SHQ1: variants seen among roughly 807,000 people sequenced by gnomAD.
SHQ1 encodes SHQ1, H/ACA ribonucleoprotein assembly factor, also known as protein SHQ1 homolog.
In SHQ1, 49 loss-of-function variants were observed where a neutral mutation model predicts 53.8. The ratio of observed to expected loss-of-function variants is 0.91; its 90% CI spans 0.72 to 1.16. The LOEUF (loss-of-function observed/expected upper bound fraction) is 1.16, where lower values mean the gene tolerates loss of function less well. Ranked by LOEUF, SHQ1 falls within the 50% of genes most tolerant of loss-of-function variation. The pLI, the probability that SHQ1 is intolerant of heterozygous loss-of-function variation, is 0.00. For missense variants in SHQ1, 738 were observed against 683.1 expected (o/e 1.08, Z -0.90); for synonymous variants, 243 against 251.0 (o/e 0.97, Z 0.30).
the SHQ1 span, among the ~76,000 whole-genome samples, chr3:72,732,401 C>T: frequency 4.3e-3 from 600 of 139,544 alleles, 2 homozygotes; most frequent in African/African-American, 0.014. Context: ...TTCCTTCCTT[C>T]CTTCCTTCCT....
At chr3:72,748,813 C>T (rs1705306784), downstream of SHQ1, among the ~76,000 whole-genome samples, 1 of 152,132 alleles carries the variant, frequency 6.6e-6, no homozygotes. Flanking sequence ...ATAAAAACTA[C>T]AAAGATTAGC....
Position 72,769,619 on chromosome 3 carries a change from C to T in SHQ1, c.1182-18783G>A, listed in dbSNP as rs375147132. The stretch of plus-strand genomic sequence containing the variant: ...TTTAGTTCCCTGTTCAAGACTTCTA[C>T]TCCACTAGGCCTTGCAGACCAGCCT... On this transcript the variant is annotated intron_variant, in intron 10 of 10. Coordinates refer to ENST00000325599, the MANE Select transcript of SHQ1 (RefSeq NM_018130.3). Among the ~76,000 whole-genome samples the T allele has an allele frequency of 1.2e-4, 18 of 152,184 alleles. 1 individual carries two copies. The highest frequency in any genetic ancestry group is 8.5e-4 in the Admixed American group (13 of 15,284).
intron 9 of SHQ1, among the ~76,000 whole-genome samples, chr3:72,811,020 C>T (rs2106852644): frequency 6.6e-6 from 1 of 152,298 alleles, no homozygotes; most frequent in East Asian, 1.9e-4. Context: ...TCAATTCTGA[C>T]CTACTAAAAC....
rs753370452 is a variant in SHQ1, at chr3:72,848,258, T to A, written c.83A>T (p.Glu28Val). The change falls in exon 1 of 11, where the codon GAG (glutamate) becomes GTG (valine). Residue 28 changes from glutamate (E) to valine (V), a missense_variant. By Grantham distance (121) the Glu-to-Val change is moderately radical. Coordinates refer to ENST00000325599, the MANE Select transcript of SHQ1 (RefSeq NM_018130.3). ...AIRVPYARVS[E>V]FDVYFEGSDF... ...AGACCCCTCGAAGTAGACGTCGAAC[T>A]CGGAGACCCGGGCGTAGGGCACGCG... The A allele has an allele frequency of 3.1e-6, 5 of 1,614,130 alleles. No individual in the cohort carries two copies. In the South Asian group the frequency reaches 5.5e-5, roughly 18 times the overall value.
At chr3:72,790,952 C>A in intron 10 of SHQ1, among the ~76,000 whole-genome samples, 1 of 152,106 alleles carries the variant, frequency 6.6e-6, no homozygotes, top group South Asian at 2.1e-4. Flanking sequence ...TACAAAGAAC[C>A]TAAGAATTTC....
chr3:72,813,976 A>G (rs1412600069), intron 8 of SHQ1, among the ~76,000 whole-genome samples: 2 of 151,868 alleles, frequency 1.3e-5, no homozygotes, highest in Non-Finnish European at 2.9e-5. Flanking sequence ...TTCAAAACTT[A>G]CTAAAAACAC....
intron 4 of SHQ1, among the ~76,000 whole-genome samples, chr3:72,838,118 G>A (rs929905444): frequency 4.6e-5 from 7 of 152,178 alleles, no homozygotes; most frequent in African/African-American, 1.4e-4. Context: ...CTGGGGCAGC[G>A]CCCATATCCA....
At chr3:72,831,640 G>A (rs1240846131) in intron 5 of SHQ1, among the ~76,000 whole-genome samples, 3 of 152,172 alleles carry the variant, frequency 2.0e-5, no homozygotes, top group Non-Finnish European at 4.4e-5. Flanking sequence ...CATTCTCCAC[G>A]CATCCTAGCA....
At chr3:72,831,462 C>T (rs1707816962) in intron 5 of SHQ1, among the ~76,000 whole-genome samples, 1 of 152,248 alleles carries the variant, frequency 6.6e-6, no homozygotes, top group African/African-American at 2.4e-5. Flanking sequence ...GTCCCTTAAA[C>T]TCCTCTCCTC....
intron 4 of SHQ1, among the ~76,000 whole-genome samples, chr3:72,838,071 G>A (rs1353863220): frequency 6.6e-6 from 1 of 152,226 alleles, no homozygotes; most frequent in African/African-American, 2.4e-5. Context: ...GTAACATGGT[G>A]CACACACCAT....
intron 4 of SHQ1, among the ~76,000 whole-genome samples, chr3:72,835,825 C>A (rs943411443): frequency 1.3e-5 from 2 of 152,210 alleles, no homozygotes; most frequent in Non-Finnish European, 2.9e-5. Context: ...GCAAATGTCA[C>A]TTTCTCAAAG....
chr3:72,783,679 A>C (rs906304938), intron 10 of SHQ1, among the ~76,000 whole-genome samples: 1 of 152,218 alleles, frequency 6.6e-6, no homozygotes, highest in Non-Finnish European at 1.5e-5. Context: ...TGTAAGTAAA[A>C]ATGATAAATG....
At chr3:72,791,503 G>A (rs1406670016) in intron 10 of SHQ1, among the ~76,000 whole-genome samples, 1 of 151,990 alleles carries the variant, frequency 6.6e-6, no homozygotes, top group African/African-American at 2.4e-5. Context: ...CAATATAATT[G>A]CTCCCCCATG....
chr3:72,734,415 C>T, the SHQ1 span, among the ~76,000 whole-genome samples: 1 of 150,848 alleles, frequency 6.6e-6, no homozygotes, highest in South Asian at 2.1e-4. Context: ...GCCACCATGC[C>T]CAGCTAATTT....
chr3:72,725,546 T>A, the SHQ1 span, among the ~76,000 whole-genome samples: 1 of 152,182 alleles, frequency 6.6e-6, no homozygotes, highest in East Asian at 1.9e-4. Context: ...TTTCACTTCG[T>A]CCTGCTCATT....
intron 6 of SHQ1, among the ~76,000 whole-genome samples, chr3:72,818,308 A>G (rs2106878609): frequency 6.6e-6 from 1 of 152,138 alleles, no homozygotes. Flanking sequence ...ACTGATGGGC[A>G]CTCACTTTGC....
At chr3:72,790,619 A>T (rs932860920) in intron 10 of SHQ1, among the ~76,000 whole-genome samples, 15 of 152,198 alleles carry the variant, frequency 9.9e-5, no homozygotes, top group African/African-American at 3.6e-4. Flanking sequence ...TAGACCTAAG[A>T]AGTTCACAGT....
intron 4 of SHQ1, 64 bp from the exon 5 acceptor site, chr3:72,832,545 T>C (rs1033609313): frequency 1.7e-6 from 2 of 1,164,148 alleles, no homozygotes; most frequent in Non-Finnish European, 2.5e-6. Flanking sequence ...AAAACTCAAA[T>C]TTTATACAAA....
At chr3:72,835,391 T>A (rs773117524) in intron 4 of SHQ1, among the ~76,000 whole-genome samples, 171 of 152,294 alleles carry the variant, frequency 1.1e-3, no homozygotes, top group Non-Finnish European at 2.0e-3. Flanking sequence ...TCCCTGTTAC[T>A]CACTGGCAAA....
Sources: gnomAD v4.1 joint callset for allele counts (sites outside exome capture counted in the v4.1 genomes callset) on GRCh38, gnomAD v4.1.1 for gene constraint, MANE v1.5 for transcripts, NCBI Gene and HGNC (gene_info 2026-07-23, HGNC 2026-07-21) for gene names.